PAK3: variants seen among roughly 807,000 people sequenced by gnomAD.
The protein encoded by PAK3 is serine/threonine-protein kinase PAK 3.
Under a neutral mutation model 41.0 loss-of-function variants are expected in PAK3, and 4 were observed. The ratio of observed to expected loss-of-function variants is 0.10; its 90% CI spans 0.05 to 0.22. The LOEUF (loss-of-function observed/expected upper bound fraction) is 0.22, where lower values mean the gene tolerates loss of function less well. Ranked by LOEUF, PAK3 falls within the 10% of genes least tolerant of loss-of-function variation. The probability of loss-of-function intolerance (pLI) is 1.00; values close to 1 mark genes in which losing one functional copy is unlikely to be tolerated. For synonymous variants in PAK3, 146 were observed against 139.6 expected (o/e 1.05, Z -0.32); for missense variants, 205 against 409.9 (o/e 0.50, Z 4.32).
At chrX:111,071,881 A>C (rs1406221550) in intron 1 of PAK3, among the ~76,000 whole-genome samples, 3 of 112,257 alleles carry the variant, frequency 2.7e-5, no homozygotes, top group African/African-American at 9.7e-5. Context: ...AGACTAAAAC[A>C]CACTCCCAGA....
At chrX:111,220,240 A>T in intron 17 of PAK3, 118 bp from the exon 18 acceptor site, 1 of 521,081 alleles carries the variant, frequency 1.9e-6, no homozygotes. Flanking sequence ...TAATTAAATG[A>T]TATTTAATTG....
chrX:111,008,573 C>T (rs758464419), intron 1 of PAK3, among the ~76,000 whole-genome samples: 17 of 112,641 alleles, frequency 1.5e-4, no homozygotes, highest in African/African-American at 5.5e-4. Context: ...GAGCACTATG[C>T]TGCAAGCACA....
At position 111,188,423 on chromosome X, in the gene PAK3, G is replaced by T. The variant is rs751654855; in HGVS notation, c.831-3704G>T. Among the ~76,000 whole-genome samples the T allele has an allele frequency of 1.4e-4, 16 of 110,672 alleles. 1 individual carries two copies. Among genetic ancestry groups the T allele is most frequent in the Admixed American group, 1.3e-3 (13 of 10,378 alleles). On this transcript the variant is annotated intron_variant, in intron 11 of 17. Transcript: ENST00000372007. The stretch of plus-strand genomic sequence containing the variant: ...AACTGGGGCAACTCCCAATTTATTT[G>T]TTTAATATATTGAGGGTTTCTTCAT...
intron 1 of PAK3, among the ~76,000 whole-genome samples, chrX:111,082,746 T>G (rs1010244947): frequency 8.9e-6 from 1 of 112,247 alleles, no homozygotes; most frequent in East Asian, 2.8e-4. Flanking sequence ...AAGTGATATA[T>G]GTCAACTATC....
chrX:111,144,875 A>T lies in PAK3; in HGVS notation c.276+2679A>T, dbSNP rs1556041456. On this transcript the variant is annotated intron_variant, in intron 6 of 17. Transcript: ENST00000372007. ...AATACTTCAGAACTCCCCTTTCCAG[A>T]CCTCTAGACCTGTGACGGTCGCTTC... 5.3e-6 allele frequency: 6 copies of T among 1,141,854 alleles called. No homozygotes were observed. Among genetic ancestry groups the T allele is most frequent in the Non-Finnish European group, 7.1e-6 (6 of 843,077 alleles). The allele number at this position is 1,141,854 out of a possible 1,213,427, so 94.1% of individuals were successfully genotyped here. A position where few individuals can be genotyped will look rare whatever the true frequency, so the allele number is the denominator to read the frequency against.
intron 1 of PAK3, among the ~76,000 whole-genome samples, chrX:111,080,052 A>T (rs2092821452): frequency 8.9e-6 from 1 of 112,549 alleles, no homozygotes; most frequent in Non-Finnish European, 1.9e-5. Context: ...CAAGATGGAA[A>T]GTACTCCTGG....
At chrX:111,169,030 A>G (rs772462486) in intron 10 of PAK3, among the ~76,000 whole-genome samples, 1 of 111,990 alleles carries the variant, frequency 8.9e-6, no homozygotes, top group Non-Finnish European at 1.9e-5. Context: ...TAGCTCAAGT[A>G]AAATATATTC....
chrX:111,143,691 TA>T (rs1421097121), intron 6 of PAK3, among the ~76,000 whole-genome samples: 11 of 110,886 alleles, frequency 9.9e-5, no homozygotes, highest in Non-Finnish European at 1.9e-4. Flanking sequence ...GTTCTATTTT[TA>T]AAAAATTACA....
At chrX:111,142,416 A>G (rs748457133) in intron 6 of PAK3, among the ~76,000 whole-genome samples, 7 of 112,631 alleles carry the variant, frequency 6.2e-5, no homozygotes, top group African/African-American at 2.2e-4. Flanking sequence ...TGATCACTGT[A>G]TAGTCTCAAC....
Position 110,991,955 on chromosome X carries a change from CA to C in PAK3, c.-28+47331del, listed in dbSNP as rs1394413903. 6.3e-5 allele frequency among the ~76,000 whole-genome samples: 7 copies of C among 110,643 alleles called. No homozygotes were observed. The Admixed American group carries it at 6.7e-4, about 11-fold the overall frequency. ...AGCCCAATAGAGGTAGTATGGAAAACAAAATAATAAATATAAAATATTGTGT... is the reference window on the plus strand; with the variant it reads ...AGCCCAATAGAGGTAGTATGGAAAACAAATAATAAATATAAAATATTGTGT... On this transcript the variant is annotated intron_variant, in intron 1 of 14. Transcript: ENST00000425146.
At chrX:111,043,015 G>T (rs769287780) in intron 1 of PAK3, among the ~76,000 whole-genome samples, 2 of 111,786 alleles carry the variant, frequency 1.8e-5, no homozygotes, top group Non-Finnish European at 3.8e-5. Flanking sequence ...AAGGCCAGGG[G>T]TGGTGGCTCA....
In PAK3 at chrX:110,999,015, T is replaced by C. The variant is rs755271796; in HGVS notation, c.-28+54387T>C. Among the ~76,000 whole-genome samples the C allele has an allele frequency of 7.2e-5, 8 of 111,746 alleles. No homozygotes were observed. The South Asian group carries it at 1.5e-3, about 21-fold the overall frequency. On this transcript the variant is annotated intron_variant, in intron 1 of 14. Coordinates refer to the PAK3 transcript ENST00000425146. ...GCTAAGAGGGCATGTTATATCTCTG[T>C]AGTCACTTGTTCCAGGGAGCAGACA...
intron 1 of PAK3, among the ~76,000 whole-genome samples, chrX:111,072,951 C>T (rs1038089994): frequency 2.7e-5 from 3 of 111,813 alleles, no homozygotes; most frequent in Non-Finnish European, 5.6e-5. Flanking sequence ...GGCATTCCTA[C>T]CCTTCTATGT....
intron 1 of PAK3, among the ~76,000 whole-genome samples, chrX:110,957,176 C>T (rs377134467): frequency 3.6e-5 from 4 of 112,231 alleles, no homozygotes; most frequent in African/African-American, 1.3e-4. Flanking sequence ...TAAATTATAG[C>T]TAACAGTTAT....
chrX:111,101,778 G>T (rs1296148239), intron 3 of PAK3, among the ~76,000 whole-genome samples: 1 of 111,993 alleles, frequency 8.9e-6, no homozygotes, highest in Non-Finnish European at 1.9e-5. Context: ...GCAGTGGGTG[G>T]GATTTGGAAA....
At chrX:111,006,849 C>CTTTCTTTCTTTTT (rs1556434441) in intron 1 of PAK3, among the ~76,000 whole-genome samples, 8 of 42,687 alleles carry the variant, frequency 1.9e-4, no homozygotes, top group Non-Finnish European at 3.1e-4. Flanking sequence ...TTCTTTCTTT[C>CTTTCTTTCTTTTT]TTTTTTTTTT....
intron 5 of PAK3, among the ~76,000 whole-genome samples, chrX:111,129,498 T>C (rs1196455238): frequency 9.0e-6 from 1 of 111,099 alleles, no homozygotes; most frequent in Non-Finnish European, 1.9e-5. Flanking sequence ...TATGCCCCAA[T>C]AGAAGAGTCT....
intron 1 of PAK3, among the ~76,000 whole-genome samples, chrX:111,063,308 T>C (rs2092673460): frequency 2.7e-5 from 3 of 112,128 alleles, no homozygotes; most frequent in Middle Eastern, 4.6e-3. Flanking sequence ...ATTGCAATGA[T>C]TGAAGAAGAT....
intron 1 of PAK3, among the ~76,000 whole-genome samples, chrX:111,019,214 G>A (rs1569506608): frequency 9.0e-6 from 1 of 111,267 alleles, no homozygotes. Context: ...GACATCAAAA[G>A]CATAGGCAAC....
Sources: gnomAD v4.1 joint callset for allele counts (sites outside exome capture counted in the v4.1 genomes callset) on GRCh38, gnomAD v4.1.1 for gene constraint, MANE v1.5 for transcripts, NCBI Gene and HGNC (gene_info 2026-07-23, HGNC 2026-07-21) for gene names.